KIAA1328: variants seen among roughly 807,000 people sequenced by gnomAD.
The protein encoded by KIAA1328 is KIAA1328.
In KIAA1328, 52 loss-of-function variants were observed where a neutral mutation model predicts 68.1. The observed-to-expected ratio is 0.76, with a 90% CI of 0.61 to 0.96. The LOEUF is 0.96. Ranked by LOEUF, KIAA1328 falls within the 40% of genes least tolerant of loss-of-function variation. The pLI is 0.00. For missense variants in KIAA1328, 641 were observed against 677.6 expected (o/e 0.95, Z 0.60); for synonymous variants, 232 against 239.4 (o/e 0.97, Z 0.28).
In KIAA1328 at chr18:37,084,349, G is replaced by A. The variant is rs116043236; in HGVS notation, c.1232+16804G>A. The A allele has an allele frequency of 1.0e-3, 440 of 422,458 alleles. 4 individuals carry two copies. The East Asian group carries it at 0.011, about 11-fold the overall frequency. 26.2% of individuals were successfully genotyped at this position (422,458 alleles called of 1,614,324 possible). On this transcript the variant is annotated intron_variant, in intron 7 of 9. Coordinates refer to ENST00000280020, the MANE Select transcript of KIAA1328 (RefSeq NM_020776.3). ...TACAGTTTTGTGACCATATGAATACGTACATTCCTGTTATACAATTTTGAA... is the reference window on the plus strand; with the variant it reads ...TACAGTTTTGTGACCATATGAATACATACATTCCTGTTATACAATTTTGAA...
chr18:36,869,756 A>G (rs1451608966), intron 4 of KIAA1328, among the ~76,000 whole-genome samples: 1 of 152,220 alleles, frequency 6.6e-6, no homozygotes, highest in Admixed American at 6.5e-5. Context: ...AACCAGAAAT[A>G]TATATATGGC....
intron 5 of KIAA1328, among the ~76,000 whole-genome samples, chr18:36,948,855 T>C (rs78802798): frequency 6.6e-6 from 1 of 152,222 alleles, no homozygotes; most frequent in African/African-American, 2.4e-5. Context: ...TGACTTTTTT[T>C]AAAGAGCTTT....
chr18:36,850,156 A>G (rs1358398058), intron 4 of KIAA1328, among the ~76,000 whole-genome samples: 1 of 150,984 alleles, frequency 6.6e-6, no homozygotes, highest in Non-Finnish European at 1.5e-5. Context: ...TTGTTTTTTC[A>G]CTTTCTCAGT....
chr18:36,882,746 G>A (rs997307813), intron 4 of KIAA1328, among the ~76,000 whole-genome samples: 2 of 152,068 alleles, frequency 1.3e-5, no homozygotes, highest in African/African-American at 4.8e-5. Flanking sequence ...ATACATTTTG[G>A]GAAAAGCTCA....
At chr18:36,890,238 T>TA (rs2048636511) in intron 5 of KIAA1328, among the ~76,000 whole-genome samples, 1 of 150,696 alleles carries the variant, frequency 6.6e-6, no homozygotes, top group Admixed American at 6.6e-5. Flanking sequence ...TTTTTTTTTT[T>TA]TAAAAAAAAA....
intron 9 of KIAA1328, among the ~76,000 whole-genome samples, chr18:37,184,068 T>G (rs2059747746): frequency 6.6e-6 from 1 of 152,228 alleles, no homozygotes; most frequent in Admixed American, 6.5e-5. Context: ...AAATAAATAT[T>G]TGTTGGGTGA....
chr18:36,844,388 C>T lies in KIAA1328; in HGVS notation c.332+86C>T, dbSNP rs368957787. ...GAAAATTGCAAATATATTTTGATGACTTAATATCTTTGATCTTATGGTAGC... is the reference window on the plus strand; with the variant it reads ...GAAAATTGCAAATATATTTTGATGATTTAATATCTTTGATCTTATGGTAGC... On this transcript the variant is annotated intron_variant, in intron 4 of 9. Coordinates refer to ENST00000280020, the MANE Select transcript of KIAA1328 (RefSeq NM_020776.3). 4.6e-5 allele frequency: 36 copies of T among 783,716 alleles called. No individual in the cohort carries two copies. In the Middle Eastern group the frequency reaches 1.5e-3, roughly 32 times the overall value. 48.5% of individuals were successfully genotyped at this position (783,716 alleles called of 1,614,324 possible). A position where few individuals can be genotyped will look rare whatever the true frequency, so the allele number is the denominator to read the frequency against.
In KIAA1328 at chr18:36,888,672, T is replaced by A. The variant is rs144880334; in HGVS notation, c.448+3000T>A. ...TGACATTTATGGTTTTTATTCCAAG[T>A]AGATTGCTCAGGTGCAAATCTCCTT... On this transcript the variant is annotated intron_variant, in intron 5 of 9. Coordinates refer to ENST00000280020, the MANE Select transcript of KIAA1328 (RefSeq NM_020776.3). Among the ~76,000 whole-genome samples, 16 of 152,304 alleles carry A rather than the reference T, an allele frequency of 1.1e-4. No individual in the cohort carries two copies. The East Asian group carries it at 2.7e-3, about 26-fold the overall frequency.
chr18:37,090,002 T>C (rs1328297562), intron 7 of KIAA1328, among the ~76,000 whole-genome samples: 1 of 152,200 alleles, frequency 6.6e-6, no homozygotes, highest in Non-Finnish European at 1.5e-5. Context: ...TATTTGTCAT[T>C]AAGGCCTCAC....
intron 5 of KIAA1328, among the ~76,000 whole-genome samples, chr18:36,915,419 A>T (rs2049652357): frequency 6.6e-6 from 1 of 152,246 alleles, no homozygotes; most frequent in Non-Finnish European, 1.5e-5. Context: ...TTGGGGAAAA[A>T]GAATTTTGCA....
At chr18:37,085,129 G>A (rs1356699460) in intron 7 of KIAA1328, among the ~76,000 whole-genome samples, 1 of 152,168 alleles carries the variant, frequency 6.6e-6, no homozygotes, top group Non-Finnish European at 1.5e-5. Context: ...TGGAATCTGA[G>A]GCAGGCCTGG....
chr18:36,953,145 C>G (rs967736553), intron 5 of KIAA1328, among the ~76,000 whole-genome samples: 1 of 150,200 alleles, frequency 6.7e-6, no homozygotes, highest in Admixed American at 6.7e-5. Flanking sequence ...TGCCCCCTCT[C>G]GTGTGTGTGT....
chr18:36,941,603 TA>T (rs1378427131), intron 5 of KIAA1328, among the ~76,000 whole-genome samples: 1 of 151,940 alleles, frequency 6.6e-6, no homozygotes, highest in African/African-American at 2.4e-5. Context: ...CATCTCAAAA[TA>T]AATAAACATG....
At chr18:36,934,456 C>T (rs1309395323) in intron 5 of KIAA1328, among the ~76,000 whole-genome samples, 3 of 152,088 alleles carry the variant, frequency 2.0e-5, no homozygotes, top group Non-Finnish European at 2.9e-5. Context: ...GCTATCCCTC[C>T]CTCCTCCCTC....
At chr18:37,099,928 G>T (rs866599793) in intron 7 of KIAA1328, among the ~76,000 whole-genome samples, 1 of 152,138 alleles carries the variant, frequency 6.6e-6, no homozygotes, top group Middle Eastern at 3.4e-3. Flanking sequence ...CATTTGCTTG[G>T]TAGATCTCCC....
chr18:37,223,047 A>AGGGGGGGGGGGGCC lies in KIAA1328; in HGVS notation c.*820_*821insGGGGGGGGGGGGCC. 1 of 430,304 alleles carries AGGGGGGGGGGGGCC rather than the reference A, an allele frequency of 2.3e-6. No homozygotes were observed. The allele number at this position is 430,304 out of a possible 1,614,324, so 26.7% of individuals were successfully genotyped here. A position where few individuals can be genotyped will look rare whatever the true frequency, so the allele number is the denominator to read the frequency against. ...ATTTACCCAAGTGTTCAGCTTATTC[A>AGGGGGGGGGGGGCC]CCCCACCCCCCCACCCCCCATCACA... On this transcript the variant is annotated 3_prime_UTR_variant, in exon 10 of 10. Coordinates refer to ENST00000280020, the MANE Select transcript of KIAA1328 (RefSeq NM_020776.3).
At chr18:36,925,582 C>T (rs562887818) in intron 5 of KIAA1328, among the ~76,000 whole-genome samples, 2 of 151,914 alleles carry the variant, frequency 1.3e-5, no homozygotes, top group South Asian at 2.1e-4. Flanking sequence ...TGTTGCCCAG[C>T]CTGGAGTGCA....
chr18:37,085,741 T>G (rs1406677030), intron 7 of KIAA1328, among the ~76,000 whole-genome samples: 1 of 152,158 alleles, frequency 6.6e-6, no homozygotes, highest in Non-Finnish European at 1.5e-5. Context: ...CTGATAACCA[T>G]CTATTTGCTC....
intron 7 of KIAA1328, among the ~76,000 whole-genome samples, chr18:37,084,867 G>A (rs572919818): frequency 1.3e-5 from 2 of 152,254 alleles, no homozygotes; most frequent in South Asian, 2.1e-4. Context: ...CTGGCCTAGC[G>A]GCTAGGTCTG....
Sources: allele counts gnomAD v4.1 joint callset (sites outside exome capture counted in the v4.1 genomes callset), GRCh38; gene constraint gnomAD v4.1.1; transcripts MANE v1.5; gene names NCBI Gene and HGNC (gene_info 2026-07-23, HGNC 2026-07-21).